CDH4: variants seen among roughly 807,000 people sequenced by gnomAD.
CDH4 encodes cadherin-4.
A neutral mutation model predicts 86.0 loss-of-function variants in CDH4; 33 were observed. The ratio of observed to expected loss-of-function variants is 0.38; its 90% CI spans 0.29 to 0.51. CDH4 has a LOEUF of 0.51. Ranked by LOEUF, CDH4 falls within the 20% of genes least tolerant of loss-of-function variation. The pLI, the probability that CDH4 is intolerant of heterozygous loss-of-function variation, is 0.86. For synonymous variants in CDH4, 555 were observed against 549.4 expected (o/e 1.01, Z -0.14); for missense variants, 1,114 against 1,307.4 (o/e 0.85, Z 2.28).
rs368427742 is a variant in CDH4, at chr20:61,932,575, GCACA to G, written c.2240-403_2240-400del. Among the ~76,000 whole-genome samples, 59 of 149,596 alleles carry G rather than the reference GCACA, an allele frequency of 3.9e-4. 1 individual carries two copies. Among genetic ancestry groups the G allele is most frequent in the Admixed American group, 2.1e-3 (31 of 14,998 alleles). ...TGCATCTACACACATGAACACACGA[GCACA>G]CACACAGATCTACACGCTCACACCC... On this transcript the variant is annotated intron_variant, in intron 13 of 15. Coordinates refer to ENST00000614565, the MANE Select transcript of CDH4 (RefSeq NM_001794.5).
intron 4 of CDH4, among the ~76,000 whole-genome samples, chr20:61,783,848 A>G (rs1243512956): frequency 0.02 from 900 of 44,020 alleles, 1 homozygote; most frequent in Middle Eastern, 0.029. Context: ...ACAGTTCTCA[A>G]GGCCCTCAGA....
intron 2 of CDH4, among the ~76,000 whole-genome samples, chr20:61,567,351 A>G (rs1333419390): frequency 6.6e-6 from 1 of 152,238 alleles, no homozygotes; most frequent in Non-Finnish European, 1.5e-5. Flanking sequence ...TCTGGAGGCC[A>G]GAGTCCAAGG....
In CDH4 at chr20:61,887,634, G is replaced by C. The variant is rs183049837; in HGVS notation, c.1051-7276G>C. On this transcript the variant is annotated intron_variant, in intron 7 of 15. Coordinates refer to ENST00000614565, the MANE Select transcript of CDH4 (RefSeq NM_001794.5). The stretch of plus-strand genomic sequence containing the variant: ...CTATACATTGAAAGCACCACAGCCA[G>C]GGGTGGCTTCCATGAACCGGCTCTG... 3.2e-4 allele frequency among the ~76,000 whole-genome samples: 49 copies of C among 152,372 alleles called. No homozygotes were observed. The East Asian group carries it at 9.1e-3, about 28-fold the overall frequency.
rs572774132 is a variant in CDH4, at chr20:61,882,682, C to T, written c.1050+8782C>T. ...TTTTCCCTGCCGTAGAGAAATACTT[C>T]CTCTAGGTCTATCAAAAGTGAGAAA... On this transcript the variant is annotated intron_variant, in intron 7 of 15. Coordinates refer to ENST00000614565, the MANE Select transcript of CDH4 (RefSeq NM_001794.5). Among the ~76,000 whole-genome samples the T allele has an allele frequency of 4.5e-3, 690 of 152,286 alleles. 3 individuals are homozygous for T. Among genetic ancestry groups the T allele is most frequent in the African/African-American group, 0.016 (645 of 41,546 alleles).
At chr20:61,735,434 C>T (rs1001137158) in intron 2 of CDH4, among the ~76,000 whole-genome samples, 3 of 152,192 alleles carry the variant, frequency 2.0e-5, no homozygotes, top group Non-Finnish European at 2.9e-5. Flanking sequence ...TTTCTTATAC[C>T]CCCCTGGTGG....
At chr20:61,844,541 TG>T in intron 4 of CDH4, 126 bp from the exon 5 acceptor site, 1 of 832,030 alleles carries the variant, frequency 1.2e-6, no homozygotes, top group Non-Finnish European at 1.8e-6. Flanking sequence ...AGATCAGCTG[TG>T]GTCCCCATTG....
chr20:61,869,877 C>G (rs1600724871), intron 6 of CDH4, among the ~76,000 whole-genome samples: 1 of 152,236 alleles, frequency 6.6e-6, no homozygotes, highest in African/African-American at 2.4e-5. Context: ...ACTCCACATT[C>G]CATCCTCAGT....
intron 4 of CDH4, among the ~76,000 whole-genome samples, chr20:61,830,473 C>T (rs1199618105): frequency 1.7e-5 from 2 of 117,866 alleles, no homozygotes; most frequent in Non-Finnish European, 4.4e-5. Context: ...AGGGCCACCA[C>T]CTCCCAAGGC....
intron 2 of CDH4, among the ~76,000 whole-genome samples, chr20:61,521,561 C>G (rs1018033362): frequency 5.9e-5 from 9 of 152,198 alleles, no homozygotes; most frequent in African/African-American, 2.2e-4. Flanking sequence ...CCAGTGGTGC[C>G]CCCACTTTAC....
chr20:61,570,490 C>T (rs931278789), intron 2 of CDH4: 5 of 584,822 alleles, frequency 8.5e-6, no homozygotes, highest in African/African-American at 1.9e-5. Context: ...GTCTCCCTCG[C>T]AGCCCCTGCT....
At chr20:61,792,318 G>A (rs1979247880) in intron 4 of CDH4, among the ~76,000 whole-genome samples, 1 of 152,272 alleles carries the variant, frequency 6.6e-6, no homozygotes, top group South Asian at 2.1e-4. Flanking sequence ...GTGCCCACGT[G>A]TGGGGTGCCA....
At chr20:61,775,935 C>T (rs1349938129) in intron 4 of CDH4, among the ~76,000 whole-genome samples, 2 of 152,184 alleles carry the variant, frequency 1.3e-5, no homozygotes, top group Non-Finnish European at 2.9e-5. Flanking sequence ...GTCACATGGG[C>T]ACAGCCCCTG....
At chr20:61,845,733 G>A (rs570156794) in intron 5 of CDH4, among the ~76,000 whole-genome samples, 14 of 152,194 alleles carry the variant, frequency 9.2e-5, no homozygotes, top group Non-Finnish European at 1.8e-4. Context: ...GCACAAGCCC[G>A]TGCTGTCAGG....
rs1053117560 is a variant in CDH4, at chr20:61,938,678, G to A, written c.*1735G>A. ...CAGCATGAGCTCCACCAGGGGCCCC[G>A]GCCCCCACCTCAGCCTATGGCCCTT... On this transcript the variant is annotated 3_prime_UTR_variant, in exon 16 of 16. Transcript: ENST00000614565. 11 of 152,668 alleles carry A rather than the reference G, an allele frequency of 7.2e-5. No homozygotes were observed. Among genetic ancestry groups the A allele is most frequent in the African/African-American group, 2.2e-4 (9 of 41,586 alleles). 9.5% of individuals were successfully genotyped at this position (152,668 alleles called of 1,614,324 possible). A position where few individuals can be genotyped will look rare whatever the true frequency, so the allele number is the denominator to read the frequency against.
chr20:61,885,865 G>C (rs1434208476), intron 7 of CDH4, among the ~76,000 whole-genome samples: 1 of 152,246 alleles, frequency 6.6e-6, no homozygotes, highest in Non-Finnish European at 1.5e-5. Flanking sequence ...CAGCTTCCAA[G>C]GGGATGGAGG....
At chr20:61,373,581 C>G (rs1246972824) in intron 2 of CDH4, among the ~76,000 whole-genome samples, 1 of 152,130 alleles carries the variant, frequency 6.6e-6, no homozygotes, top group Non-Finnish European at 1.5e-5. Context: ...TGTAGCAATT[C>G]CTTGCTGCAT....
chr20:61,316,587 G>A (rs2084477249), intron 2 of CDH4, among the ~76,000 whole-genome samples: 1 of 152,208 alleles, frequency 6.6e-6, no homozygotes, highest in Admixed American at 6.5e-5. Flanking sequence ...CTTGTTAAAG[G>A]GAAAGTGGTT....
chr20:61,546,772 A>G (rs912530279), intron 2 of CDH4, among the ~76,000 whole-genome samples: 2 of 152,158 alleles, frequency 1.3e-5, no homozygotes, highest in Non-Finnish European at 2.9e-5. Flanking sequence ...CTTTCCTTTC[A>G]GGATAGGAAT....
chr20:61,931,391 G>A (rs975700101), intron 13 of CDH4, among the ~76,000 whole-genome samples: 2 of 152,192 alleles, frequency 1.3e-5, no homozygotes, highest in Non-Finnish European at 2.9e-5. Context: ...GGGCGATGCC[G>A]CCAATACCCA....
Sources: gnomAD v4.1 joint callset for allele counts (sites outside exome capture counted in the v4.1 genomes callset) on GRCh38, gnomAD v4.1.1 for gene constraint, MANE v1.5 for transcripts, NCBI Gene and HGNC (gene_info 2026-07-23, HGNC 2026-07-21) for gene names.